Variants in MAP7 observed in about 807,000 individuals in gnomAD.
MAP7 encodes the protein microtubule associated protein 7.
Under a neutral mutation model 94.8 loss-of-function variants are expected in MAP7, and 52 were observed. The observed-to-expected ratio is 0.55, with a 90% CI of 0.44 to 0.69. The LOEUF is 0.69. MAP7 is among the 30% of genes least tolerant of loss of function. The pLI, the probability that MAP7 is intolerant of heterozygous loss-of-function variation, is 0.00. For missense variants in MAP7, 940 were observed against 964.6 expected (o/e 0.97, Z 0.34); for synonymous variants, 350 against 357.0 (o/e 0.98, Z 0.22).
At chr6:136,494,695 G>A (rs1047079342) in intron 1 of MAP7, among the ~76,000 whole-genome samples, 9 of 152,072 alleles carry the variant, frequency 5.9e-5, no homozygotes, top group Admixed American at 2.0e-4. Flanking sequence ...ATGTCTACAC[G>A]AGATGAAAGA....
chr6:136,474,592 AAAG>A (rs1810215574), intron 1 of MAP7, among the ~76,000 whole-genome samples: 1 of 152,232 alleles, frequency 6.6e-6, no homozygotes. Flanking sequence ...TCAAGAAAGA[AAAG>A]AAGATGCATC....
chr6:136,513,459 A>T (rs1474840396), intron 1 of MAP7, among the ~76,000 whole-genome samples: 1 of 152,240 alleles, frequency 6.6e-6, no homozygotes, highest in Non-Finnish European at 1.5e-5. Flanking sequence ...ATGGAATCGC[A>T]GCAATTCAGT....
intron 1 of MAP7, among the ~76,000 whole-genome samples, chr6:136,497,797 C>CAAAAAAA (rs1199112585): frequency 6.0e-4 from 28 of 46,496 alleles, no homozygotes; most frequent in Non-Finnish European, 7.7e-4. Flanking sequence ...GACTCTGTCA[C>CAAAAAAA]AAAAAAAAAA....
chr6:136,508,643 A>G lies in MAP7; in HGVS notation c.67+41699T>C, dbSNP rs1010282773. Among the ~76,000 whole-genome samples the G allele has an allele frequency of 5.3e-5, 8 of 152,324 alleles. No homozygotes were observed. In the East Asian group the frequency reaches 1.5e-3, roughly 29 times the overall value. On this transcript the variant is annotated intron_variant, in intron 1 of 17. Transcript: ENST00000354570. The stretch of plus-strand genomic sequence containing the variant: ...CATAAACTGTAAGTTTCAGGGTCCC[A>G]ATAAAAGAAAAGATAATGCTAAATG...
intron 2 of MAP7, chr6:136,420,249 G>T: frequency 1.0e-6 from 1 of 982,640 alleles, no homozygotes; most frequent in Non-Finnish European, 1.6e-6. Flanking sequence ...ACAGGGCCGC[G>T]CCAGGTAAAA....
At position 136,345,943 on chromosome 6, in the gene MAP7, G is replaced by C; in HGVS notation, c.2152C>G (p.Pro718Ala). ...TCAAAGGCCAAAATTGGATTCAAAG[G>C]AATTTCTGGGCTCTCACTGTTGGTG... ...DVTNSESPEIPLNPILAFDDE... is the reference protein window; with the variant it reads ...DVTNSESPEIALNPILAFDDE... Residue 718 changes from proline to alanine, a missense_variant, in exon 17 of 18, where the codon CCT (proline) becomes GCT (alanine). Physicochemically the swap from Pro to Ala is conservative, Grantham distance 27. Transcript: ENST00000354570. The C allele has an allele frequency of 6.2e-7, 1 of 1,614,108 alleles. No individual in the cohort carries two copies.
chr6:136,438,709 T>A (rs1219839865), intron 1 of MAP7, among the ~76,000 whole-genome samples: 1 of 152,174 alleles, frequency 6.6e-6, no homozygotes, highest in African/African-American at 2.4e-5. Context: ...ACAGTCACAG[T>A]TAATTATAAA....
chr6:136,458,147 T>C (rs1803971327), intron 1 of MAP7, among the ~76,000 whole-genome samples: 1 of 152,128 alleles, frequency 6.6e-6, no homozygotes, highest in Admixed American at 6.6e-5. Flanking sequence ...CAACAAACTA[T>C]CCAAAAGGGA....
At chr6:136,406,286 T>G (rs1200831411) in intron 3 of MAP7, among the ~76,000 whole-genome samples, 2 of 152,192 alleles carry the variant, frequency 1.3e-5, no homozygotes, top group Non-Finnish European at 2.9e-5. Flanking sequence ...ACACTTACAT[T>G]TTAACCACTG....
chr6:136,438,296 G>A (rs1054269583), intron 1 of MAP7, among the ~76,000 whole-genome samples: 6 of 152,178 alleles, frequency 3.9e-5, no homozygotes, highest in African/African-American at 1.4e-4. Context: ...TGCAAAGCAG[G>A]CAATTAGCAT....
chr6:136,402,113 A>C (rs1425048882), intron 3 of MAP7, among the ~76,000 whole-genome samples: 4 of 152,124 alleles, frequency 2.6e-5, no homozygotes, highest in Non-Finnish European at 4.4e-5. Context: ...TCTGTCTTTC[A>C]AGTCCTAGCT....
chr6:136,415,756 AAAATAAGGCTGT>A (rs998946245), intron 2 of MAP7, among the ~76,000 whole-genome samples: 2 of 152,368 alleles, frequency 1.3e-5, no homozygotes, highest in Admixed American at 6.5e-5. Flanking sequence ...TATACAATTA[AAAATAAGGCTGT>A]AAATAAGGCC....
intron 3 of MAP7, among the ~76,000 whole-genome samples, chr6:136,397,558 T>C (rs1242435165): frequency 2.8e-5 from 3 of 107,308 alleles, no homozygotes; most frequent in African/African-American, 1.1e-4. Flanking sequence ...GGTAAATACA[T>C]TTGAAAATAG....
At chr6:136,456,822 G>GAAGAAGAAGAAGAAGAAGAAAGAA (rs1554259490) in intron 1 of MAP7, among the ~76,000 whole-genome samples, 1 of 69,024 alleles carries the variant, frequency 1.4e-5, no homozygotes. Flanking sequence ...AGAAGAAGAA[G>GAAGAAGAAGAAGAAGAAGAAAGAA]GAAGAAGAAG....
chr6:136,392,617 C>T (rs1781116267), intron 3 of MAP7, among the ~76,000 whole-genome samples: 1 of 151,992 alleles, frequency 6.6e-6, no homozygotes, highest in Non-Finnish European at 1.5e-5. Context: ...TGTCGTAAAT[C>T]CCTATGTAGA....
intron 3 of MAP7, among the ~76,000 whole-genome samples, chr6:136,393,350 T>C (rs918555908): frequency 6.6e-6 from 1 of 152,140 alleles, no homozygotes; most frequent in Non-Finnish European, 1.5e-5. Context: ...TTGTAATATG[T>C]CAGAATTACT....
At chr6:136,460,261 T>C (rs775129129) in intron 1 of MAP7, among the ~76,000 whole-genome samples, 1 of 152,198 alleles carries the variant, frequency 6.6e-6, no homozygotes, top group Non-Finnish European at 1.5e-5. Context: ...TCTCATATAA[T>C]ATTTAATAAC....
At chr6:136,356,266 A>G (rs1790895280) in intron 16 of MAP7, among the ~76,000 whole-genome samples, 1 of 152,178 alleles carries the variant, frequency 6.6e-6, no homozygotes, top group Non-Finnish European at 1.5e-5. Context: ...TCCTGGGCTC[A>G]TGCAATCTTC....
At chr6:136,513,450 T>C (rs1823842100) in intron 1 of MAP7, among the ~76,000 whole-genome samples, 1 of 152,238 alleles carries the variant, frequency 6.6e-6, no homozygotes, top group Non-Finnish European at 1.5e-5. Context: ...AGTTTTATCA[T>C]GGAATCGCAG....
Sources: allele counts gnomAD v4.1 joint callset (sites outside exome capture counted in the v4.1 genomes callset), GRCh38; gene constraint gnomAD v4.1.1; transcripts MANE v1.5; gene names NCBI Gene and HGNC (gene_info 2026-07-23, HGNC 2026-07-21).